Variants in RNGTT observed in about 807,000 individuals in gnomAD.
RNGTT encodes mRNA-capping enzyme.
In RNGTT, 33 loss-of-function variants were observed where a neutral mutation model predicts 79.3. The observed-to-expected ratio is 0.42, with a 90% CI of 0.32 to 0.56. RNGTT has a LOEUF of 0.56. Among genes scored for constraint, RNGTT ranks in the 20% least tolerant of loss-of-function variants. The pLI, the probability that RNGTT is intolerant of heterozygous loss-of-function variation, is 0.17. For missense variants in RNGTT, 497 were observed against 739.1 expected (o/e 0.67, Z 3.80); for synonymous variants, 222 against 235.9 (o/e 0.94, Z 0.54).
At position 88,860,776 on chromosome 6, in the gene RNGTT, C is replaced by T. The variant is rs1228490400; in HGVS notation, c.897-7012G>A. The stretch of plus-strand genomic sequence containing the variant: ...ATCACTTGAGGCCAGGAGTTCAAGA[C>T]TAGCCTGGCCAAGATAGTGAGACCA... On this transcript the variant is annotated intron_variant, in intron 8 of 15. Coordinates refer to ENST00000369485, the MANE Select transcript of RNGTT (RefSeq NM_003800.5). Among the ~76,000 whole-genome samples the T allele has an allele frequency of 5.3e-5, 8 of 150,788 alleles. No homozygotes were observed. The East Asian group carries it at 1.5e-3, about 29-fold the overall frequency.
intron 14 of RNGTT, among the ~76,000 whole-genome samples, chr6:88,669,697 C>T (rs1270224982): frequency 6.6e-6 from 1 of 152,206 alleles, no homozygotes; most frequent in Non-Finnish European, 1.5e-5. Context: ...AGAGCCTATG[C>T]CAAGCTACCT....
At chr6:88,640,006 C>G (rs993861731) in intron 14 of RNGTT, among the ~76,000 whole-genome samples, 4 of 152,128 alleles carry the variant, frequency 2.6e-5, no homozygotes, top group Admixed American at 2.6e-4. Flanking sequence ...GCTAGCTACC[C>G]TTGCTCTCCA....
intron 12 of RNGTT, among the ~76,000 whole-genome samples, chr6:88,786,544 G>T (rs1779235379): frequency 6.6e-6 from 1 of 152,110 alleles, no homozygotes; most frequent in Non-Finnish European, 1.5e-5. Context: ...ATAAAACATA[G>T]TTTATTACAG....
At chr6:88,625,812 C>T (rs1772608959) in intron 14 of RNGTT, among the ~76,000 whole-genome samples, 1 of 151,962 alleles carries the variant, frequency 6.6e-6, no homozygotes, top group Admixed American at 6.6e-5. Context: ...ATCACGTCAT[C>T]CTTGTCAGTG....
At chr6:88,871,616 G>A (rs916928721) in intron 8 of RNGTT, among the ~76,000 whole-genome samples, 7 of 152,104 alleles carry the variant, frequency 4.6e-5, no homozygotes, top group African/African-American at 1.7e-4. Flanking sequence ...AGTAAAGCTG[G>A]CTGCCATATG....
chr6:88,695,880 A>C (rs559942310), intron 13 of RNGTT, among the ~76,000 whole-genome samples: 1 of 152,324 alleles, frequency 6.6e-6, no homozygotes, highest in South Asian at 2.1e-4. Flanking sequence ...TGTTATGCTA[A>C]GTGAAATAAC....
intron 11 of RNGTT, among the ~76,000 whole-genome samples, chr6:88,809,008 T>C (rs1326040306): frequency 6.6e-6 from 1 of 151,440 alleles, no homozygotes; most frequent in Non-Finnish European, 1.5e-5. Context: ...GCCCACTTTG[T>C]ACATAAAGAG....
chr6:88,936,508 G>A (rs904238241), intron 2 of RNGTT, among the ~76,000 whole-genome samples: 1 of 152,104 alleles, frequency 6.6e-6, no homozygotes, highest in Non-Finnish European at 1.5e-5. Context: ...GTTAGCTGTG[G>A]GCTTGTCATA....
chr6:88,700,107 G>C (rs1655190326), intron 13 of RNGTT, among the ~76,000 whole-genome samples: 1 of 152,110 alleles, frequency 6.6e-6, no homozygotes, highest in Non-Finnish European at 1.5e-5. Flanking sequence ...GGTTAAAATG[G>C]TAAATTTCAT....
intron 13 of RNGTT, among the ~76,000 whole-genome samples, chr6:88,697,289 C>T (rs1775710020): frequency 6.6e-6 from 1 of 152,074 alleles, no homozygotes; most frequent in Non-Finnish European, 1.5e-5. Context: ...ATGAATTTTG[C>T]CCCTGTAATC....
chr6:88,782,122 A>G (rs950906181), intron 12 of RNGTT, among the ~76,000 whole-genome samples: 1 of 152,006 alleles, frequency 6.6e-6, no homozygotes, highest in African/African-American at 2.4e-5. Flanking sequence ...TTAAGGCAGC[A>G]ATAACTTCTA....
intron 13 of RNGTT, among the ~76,000 whole-genome samples, chr6:88,746,785 G>C (rs1777672634): frequency 1.3e-5 from 2 of 152,170 alleles, no homozygotes; most frequent in Admixed American, 6.5e-5. Context: ...CCCTGTACTA[G>C]AATGATTATG....
At chr6:88,871,020 G>T (rs1203034876) in intron 8 of RNGTT, among the ~76,000 whole-genome samples, 1 of 152,084 alleles carries the variant, frequency 6.6e-6, no homozygotes, top group African/African-American at 2.4e-5. Flanking sequence ...TTCAGAAAAT[G>T]CTGTTTGTAG....
At chr6:88,753,519 T>A (rs1777907700) in intron 13 of RNGTT, among the ~76,000 whole-genome samples, 1 of 150,974 alleles carries the variant, frequency 6.6e-6, no homozygotes, top group Non-Finnish European at 1.5e-5. Flanking sequence ...AAAAAAAAAA[T>A]TATATAAAAC....
chr6:88,718,573 A>G (rs1470223802), intron 13 of RNGTT, among the ~76,000 whole-genome samples: 1 of 152,146 alleles, frequency 6.6e-6, no homozygotes, highest in African/African-American at 2.4e-5. Context: ...TGACAAGACT[A>G]TATCATAAAA....
intron 13 of RNGTT, among the ~76,000 whole-genome samples, chr6:88,711,880 T>C (rs1776331717): frequency 2.0e-5 from 3 of 152,210 alleles, no homozygotes; most frequent in South Asian, 2.1e-4. Context: ...TTTATTAGAA[T>C]GGAATTTATA....
At chr6:88,640,223 T>C (rs755886383) in intron 14 of RNGTT, among the ~76,000 whole-genome samples, 2 of 152,056 alleles carry the variant, frequency 1.3e-5, no homozygotes, top group African/African-American at 2.4e-5. Context: ...GAATGATGCA[T>C]AACATGTGGT....
At chr6:88,698,224 T>TATATATATGAAATATATATATGAA (rs1562202145) in intron 13 of RNGTT, among the ~76,000 whole-genome samples, 4 of 77,580 alleles carry the variant, frequency 5.2e-5, no homozygotes, top group Non-Finnish European at 8.2e-5. Flanking sequence ...ATATATATCA[T>TATATATATGAAATATATATATGAA]ATATATATGA....
chr6:88,905,661 T>C (rs189115757), intron 5 of RNGTT, among the ~76,000 whole-genome samples: 4 of 152,172 alleles, frequency 2.6e-5, no homozygotes, highest in African/African-American at 9.6e-5. Context: ...AAAACACACT[T>C]CAAAAATAAC....
Sources: gnomAD v4.1 joint callset for allele counts (sites outside exome capture counted in the v4.1 genomes callset) on GRCh38, gnomAD v4.1.1 for gene constraint, MANE v1.5 for transcripts, NCBI Gene and HGNC (gene_info 2026-07-23, HGNC 2026-07-21) for gene names.